The following HSF2 variants were observed in gnomAD, a reference collection of about 807,000 sequenced individuals.
HSF2 encodes heat shock transcription factor 2, also known as heat shock factor protein 2.
HSF2 carries 21 observed loss-of-function variants against 65.0 expected under a neutral mutation model. That is an observed-to-expected ratio of 0.32 (90% CI 0.23 to 0.47). HSF2 has a LOEUF of 0.47. HSF2 is among the 20% of genes least tolerant of loss of function. HSF2 has a pLI of 1.00. For synonymous variants in HSF2, 225 were observed against 219.1 expected, an observed-to-expected ratio of 1.03 and a Z score of -0.24; for missense variants, 499 against 628.1, an observed-to-expected ratio of 0.79 and a Z score of 2.20.
chr6:122,431,632 C>T (rs1774470985), intron 12 of HSF2, 118 bp downstream of exon 12: 2 of 555,746 alleles, frequency 3.6e-6, no homozygotes, highest in South Asian at 3.2e-5. Flanking sequence ...AATAGTGTGT[C>T]GAGGTTCTAG....
intron 5 of HSF2, among the ~76,000 whole-genome samples, chr6:122,417,763 T>C (rs1774155444): frequency 6.6e-6 from 1 of 152,228 alleles, no homozygotes; most frequent in African/African-American, 2.4e-5. Flanking sequence ...CAGTGATTGA[T>C]GTTCTTATAA....
Position 122,401,910 on chromosome 6 carries a change from A to G in HSF2, c.93+2080A>G, listed in dbSNP as rs1446140664. 3.3e-5 allele frequency among the ~76,000 whole-genome samples: 5 copies of G among 152,332 alleles called. No individual in the cohort carries two copies. The East Asian group carries it at 9.6e-4, about 29-fold the overall frequency. On this transcript the variant is annotated intron_variant, in intron 1 of 12. Transcript: ENST00000368455. ...GGTGAGATTATTTATCCATAATTAT[A>G]CAGCTCGCCAAGATTGGAGATAAGA...
intron 1 of HSF2, among the ~76,000 whole-genome samples, chr6:122,410,828 A>G (rs749286045): frequency 7.9e-5 from 12 of 151,788 alleles, no homozygotes; most frequent in Non-Finnish European, 1.5e-4. Flanking sequence ...GTGGATACTG[A>G]AGTTACTTCT....
chr6:122,418,207 A>G (rs1582614943), intron 5 of HSF2, among the ~76,000 whole-genome samples: 1 of 152,170 alleles, frequency 6.6e-6, no homozygotes, highest in African/African-American at 2.4e-5. Flanking sequence ...ACTACTTTTT[A>G]TAGTTTACCA....
Position 122,422,171 on chromosome 6 carries a change from G to A in HSF2, c.703G>A (p.Gly235Ser), listed in dbSNP as rs755031154. The A allele has an allele frequency of 6.2e-7, 1 of 1,605,490 alleles. No individual in the cohort carries two copies. Among genetic ancestry groups the A allele is most frequent in the South Asian group, 1.1e-5 (1 of 90,408 alleles). ...TTAGGTTCCACACAGTAGGACTGAA[G>A]GTTTAAAGCCAAGGGAGAGGATTTC... ...HHKVPHSRTE[G>S]LKPRERISDD... The change falls in exon 8 of 13, where the codon GGT (glycine) becomes AGT (serine). Residue 235 changes from glycine (G) to serine (S), a missense_variant. By Grantham distance (56) the Gly-to-Ser change is moderately conservative. Around this residue, in one of 2 missense-constraint regions of HSF2, gnomAD observed 349 missense variants for 393.5 expected, o/e 0.89. Coordinates refer to ENST00000368455, the MANE Select transcript of HSF2 (RefSeq NM_004506.4).
intron 10 of HSF2, among the ~76,000 whole-genome samples, chr6:122,427,169 C>A (rs866492749): frequency 6.6e-6 from 1 of 151,954 alleles, no homozygotes; most frequent in Non-Finnish European, 1.5e-5. Flanking sequence ...TATATCTGAA[C>A]GTGTGTTGCT....
In HSF2 at chr6:122,423,554, T is replaced by A. The variant is rs565602657; in HGVS notation, c.1071-27T>A. The A allele has an allele frequency of 5.9e-5, 79 of 1,331,768 alleles. 1 individual carries two copies. The South Asian group carries it at 1.1e-3, about 18-fold the overall frequency. The allele number at this position is 1,331,768 out of a possible 1,614,324, so 82.5% of individuals were successfully genotyped here. A position where few individuals can be genotyped will look rare whatever the true frequency, so the allele number is the denominator to read the frequency against. On this transcript the variant is annotated intron_variant, in intron 9 of 12. Coordinates refer to ENST00000368455, the MANE Select transcript of HSF2 (RefSeq NM_004506.4). Reference sequence around the variant, plus strand: ...CATAAAAACAAGGATATCTAATATTTGATTAAAAAAATTTTTTTTTCCTTA... The same window carrying A: ...CATAAAAACAAGGATATCTAATATTAGATTAAAAAAATTTTTTTTTCCTTA...
At chr6:122,427,873 A>T (rs768928709) in intron 10 of HSF2, 30 bp from the exon 11 acceptor site, 10 of 1,537,074 alleles carry the variant, frequency 6.5e-6, no homozygotes, top group South Asian at 3.5e-5. Flanking sequence ...TATTTTTTAA[A>T]CTTATCATCT....
chr6:122,419,221 A>G lies in HSF2; in HGVS notation c.585A>G (p.Lys195=). The change falls in exon 6 of 13, where the codon AAA becomes AAG. Residue 195 remains lysine, a synonymous_variant. Coordinates refer to ENST00000368455, the MANE Select transcript of HSF2 (RefSeq NM_004506.4). ...LVQNNQLVSL[K]RKRPLLLNTN... ...AAAATAACCAACTTGTGAGTTTAAA[A>G]CGTAAAAGGTAAGTTTTTATGATAA... 1 of 1,482,606 alleles carries G rather than the reference A, an allele frequency of 6.7e-7. No individual in the cohort carries two copies. The highest frequency in any genetic ancestry group is 9.4e-7 in the Non-Finnish European group (1 of 1,066,134). 91.8% of individuals were successfully genotyped at this position (1,482,606 alleles called of 1,614,324 possible).
At chr6:122,425,481 G>A (rs998523677) in intron 10 of HSF2, among the ~76,000 whole-genome samples, 3 of 151,842 alleles carry the variant, frequency 2.0e-5, no homozygotes, top group Non-Finnish European at 2.9e-5. Context: ...ATTCTCTCTC[G>A]CCTAGTTTCT....
chr6:122,416,189 T>G, intron 4 of HSF2, 32 bp from the exon 5 acceptor site: 1 of 1,382,538 alleles, frequency 7.2e-7, no homozygotes. Context: ...TGATTTTTTT[T>G]TTGTTTTGTT....
chr6:122,415,584 T>C (rs966222978), intron 4 of HSF2, among the ~76,000 whole-genome samples: 4 of 152,204 alleles, frequency 2.6e-5, no homozygotes, highest in African/African-American at 9.7e-5. Flanking sequence ...AAAGATTAGC[T>C]TATTTTTTTT....
At chr6:122,424,157 G>A (rs1774294042) in intron 10 of HSF2, among the ~76,000 whole-genome samples, 2 of 151,840 alleles carry the variant, frequency 1.3e-5, no homozygotes, top group Admixed American at 6.6e-5. Flanking sequence ...GAGTTACAAG[G>A]TTCCCCTGCT....
chr6:122,426,399 A>C (rs1382595777), intron 10 of HSF2, among the ~76,000 whole-genome samples: 1 of 152,056 alleles, frequency 6.6e-6, no homozygotes, highest in Non-Finnish European at 1.5e-5. Flanking sequence ...TACATGTAGG[A>C]TATCCCTGAG....
Position 122,432,223 on chromosome 6 carries a change from C to T in HSF2, c.*3C>T, listed in dbSNP as rs139496713. On this transcript the variant is annotated 3_prime_UTR_variant, in exon 13 of 13. Coordinates refer to ENST00000368455, the MANE Select transcript of HSF2 (RefSeq NM_004506.4). Reference sequence around the variant, plus strand: ...ATATGCCACTTTTAGATAGCTAAATCCCCAGGAAGTGGACTTTACATGTAT... The same window carrying T: ...ATATGCCACTTTTAGATAGCTAAATTCCCAGGAAGTGGACTTTACATGTAT... The T allele has an allele frequency of 7.3e-4, 1,166 of 1,602,840 alleles. 10 individuals carry two copies. The African/African-American group carries it at 0.014, about 19-fold the overall frequency.
intron 3 of HSF2, 119 bp downstream of exon 3, chr6:122,412,883 A>T (rs773691201): frequency 7.0e-5 from 64 of 918,050 alleles, no homozygotes; most frequent in Admixed American, 4.2e-4. Flanking sequence ...GGGATGAATT[A>T]GGATAATAAA....
Position 122,432,993 on chromosome 6 carries a change from ACACT to A in HSF2, c.*777_*780del, listed in dbSNP as rs1774510331. 1 of 152,174 alleles carries A rather than the reference ACACT, an allele frequency of 6.6e-6. No individual in the cohort carries two copies. The highest frequency in any genetic ancestry group is 1.5e-5 in the Non-Finnish European group (1 of 68,038). 9.4% of individuals were successfully genotyped at this position (152,174 alleles called of 1,614,324 possible). On this transcript the variant is annotated 3_prime_UTR_variant, in exon 13 of 13. Coordinates refer to ENST00000368455, the MANE Select transcript of HSF2 (RefSeq NM_004506.4). ...CTGTTATGTGTCTTCTTTAGAGGTG[ACACT>A]CACATGAAACAATTTTTTCTTCTCA...
intron 1 of HSF2, among the ~76,000 whole-genome samples, chr6:122,406,827 C>T (rs1044387140): frequency 6.6e-6 from 1 of 151,926 alleles, no homozygotes; most frequent in African/African-American, 2.4e-5. Context: ...TTGACCATGC[C>T]TAGTCATATG....
At chr6:122,416,166 C>T in intron 4 of HSF2, 55 bp from the exon 5 acceptor site, 1 of 1,052,330 alleles carries the variant, frequency 9.5e-7, no homozygotes, top group Non-Finnish European at 1.5e-6. Context: ...ATACTATGGT[C>T]TGGTTTTTTG....
Sources: gnomAD v4.1 joint callset for allele counts (sites outside exome capture counted in the v4.1 genomes callset) on GRCh38, gnomAD v4.1.1 for gene constraint, gnomAD v4.1.1 regional missense constraint, MANE v1.5 for transcripts, NCBI Gene and HGNC (gene_info 2026-07-23, HGNC 2026-07-21) for gene names.